Variants in SH3D19 observed in about 807,000 individuals in gnomAD.
SH3D19 encodes SH3 domain containing 19.
A neutral mutation model predicts 112.1 loss-of-function variants in SH3D19; 58 were observed. The observed-to-expected ratio is 0.52, with a 90% CI of 0.42 to 0.64. The LOEUF (loss-of-function observed/expected upper bound fraction) is 0.64. SH3D19 is among the 30% of genes least tolerant of loss of function. The pLI is 0.00. For synonymous variants in SH3D19, 391 were observed against 448.5 expected (o/e 0.87, Z 1.62); for missense variants, 1,090 against 1,263.4 (o/e 0.86, Z 2.08).
chr4:151,318,532 C>T (rs991257376), intron 1 of SH3D19, among the ~76,000 whole-genome samples: 10 of 151,910 alleles, frequency 6.6e-5, no homozygotes, highest in Non-Finnish European at 1.5e-5. Context: ...CTTCTTTTTC[C>T]TCTGACAACA....
chr4:151,253,740 C>CAA (rs10593842), intron 1 of SH3D19, among the ~76,000 whole-genome samples: 1 of 140,046 alleles, frequency 7.1e-6, no homozygotes, highest in Admixed American at 7.1e-5. Context: ...GACTCCGTCT[C>CAA]AAAAAAAAAA....
chr4:151,213,705 A>T (rs1016816126), intron 2 of SH3D19, among the ~76,000 whole-genome samples: 13 of 87,804 alleles, frequency 1.5e-4, no homozygotes, highest in Admixed American at 1.4e-3. Flanking sequence ...TATTTATTTG[A>T]CAGGGTCTTG....
intron 18 of SH3D19, 45 bp downstream of exon 18, chr4:151,128,121 TTTCA>T: frequency 6.7e-7 from 1 of 1,484,126 alleles, no homozygotes; most frequent in Admixed American, 2.2e-5. Context: ...GTTTTGAAGG[TTTCA>T]GGCTCCCCGT....
chr4:151,236,064 C>T (rs368527322), intron 1 of SH3D19, among the ~76,000 whole-genome samples: 13 of 152,352 alleles, frequency 8.5e-5, no homozygotes, highest in African/African-American at 3.1e-4. Flanking sequence ...CCCTCCAATC[C>T]AATCAGGTTG....
rs1561230457 is a variant in SH3D19, at chr4:151,148,154, T to G, written c.1850A>C (p.Gln617Pro). 6.2e-7 allele frequency: 1 copy of G among 1,609,250 alleles called. No homozygotes were observed. Among genetic ancestry groups the G allele is most frequent in the African/African-American group, 1.3e-5 (1 of 74,474 alleles). The change falls in exon 11 of 20, where the codon CAG becomes CCG. Residue 617 changes from glutamine to proline, a missense_variant. Gln to Pro is a moderately conservative substitution (Grantham distance 76, BLOSUM62 -1). Coordinates refer to ENST00000604030, the MANE Select transcript of SH3D19 (RefSeq NM_001378122.1). ...PVNGKTIPTQ[Q>P]PPTKVPPERP... ...CTCAGGGGGCACCTTGGTTGGAGGCTGTTGAGTTGGAATGGTTTTTCCATT... is the reference window on the plus strand; with the variant it reads ...CTCAGGGGGCACCTTGGTTGGAGGCGGTTGAGTTGGAATGGTTTTTCCATT...
intron 4 of SH3D19, among the ~76,000 whole-genome samples, chr4:151,177,506 A>C (rs1323689014): frequency 6.6e-6 from 1 of 151,990 alleles, no homozygotes; most frequent in Non-Finnish European, 1.5e-5. Flanking sequence ...GTGCCACCAT[A>C]CCCAGCTAAT....
chr4:151,249,345 A>T (rs143176620), intron 1 of SH3D19, among the ~76,000 whole-genome samples: 1,627 of 152,328 alleles, frequency 0.011, 30 homozygotes, highest in African/African-American at 0.037. Context: ...AGTATTAGAA[A>T]GTTATCAAGT....
chr4:151,318,986 C>T (rs1386103681), intron 1 of SH3D19, among the ~76,000 whole-genome samples: 2 of 152,174 alleles, frequency 1.3e-5, no homozygotes, highest in Non-Finnish European at 2.9e-5. Flanking sequence ...TTATATATCT[C>T]TTTGTATTGC....
chr4:151,309,782 A>G (rs911417837), intron 1 of SH3D19, among the ~76,000 whole-genome samples: 1 of 148,428 alleles, frequency 6.7e-6, no homozygotes, highest in Non-Finnish European at 1.5e-5. Flanking sequence ...TTGAGTCCAG[A>G]AGTTCTAGGC....
At chr4:151,241,216 C>T (rs28836884) in intron 1 of SH3D19, among the ~76,000 whole-genome samples, 2,975 of 151,956 alleles carry the variant, frequency 0.02, 145 homozygotes, top group African/African-American at 0.068. Flanking sequence ...TCCTTGAGCC[C>T]AGGAATTCAA....
chr4:151,206,458 T>C (rs1369845188), intron 2 of SH3D19, among the ~76,000 whole-genome samples: 4 of 152,198 alleles, frequency 2.6e-5, no homozygotes, highest in African/African-American at 9.6e-5. Flanking sequence ...ACATATTATA[T>C]GGCATGGCTT....
chr4:151,313,935 A>C (rs1271014905), intron 1 of SH3D19, among the ~76,000 whole-genome samples: 1 of 152,254 alleles, frequency 6.6e-6, no homozygotes, highest in Non-Finnish European at 1.5e-5. Context: ...ATTTGGAAAT[A>C]GTGACATTTA....
chr4:151,234,375 T>C (rs1479682629), intron 1 of SH3D19, among the ~76,000 whole-genome samples: 1 of 152,198 alleles, frequency 6.6e-6, no homozygotes, highest in Non-Finnish European at 1.5e-5. Context: ...ACCATCTGTA[T>C]TGCCCCTTTT....
chr4:151,271,901 G>A (rs570012165), intron 1 of SH3D19, among the ~76,000 whole-genome samples: 1 of 152,224 alleles, frequency 6.6e-6, no homozygotes, highest in South Asian at 2.1e-4. Context: ...TATTGTGTAT[G>A]GCAGAGGTAT....
intron 2 of SH3D19, among the ~76,000 whole-genome samples, chr4:151,198,229 C>T (rs538169525): frequency 3.3e-5 from 5 of 149,610 alleles, no homozygotes; most frequent in South Asian, 4.2e-4. Context: ...CACTTGAACC[C>T]GAGAGGTGGA....
At chr4:151,153,525 G>C (rs1325934832) in intron 9 of SH3D19, among the ~76,000 whole-genome samples, 1 of 152,148 alleles carries the variant, frequency 6.6e-6, no homozygotes, top group Non-Finnish European at 1.5e-5. Context: ...GTGAATACAG[G>C]CATGAGCCAC....
Position 151,175,533 on chromosome 4 carries a change from G to A in SH3D19, c.671C>T (p.Pro224Leu), listed in dbSNP as rs1454390358. ...CPENPSATRC[P>L]VPKPRSKSNL... is the part of the protein sequence containing the mutation. The stretch of plus-strand genomic sequence containing the variant: ...GCTTTTTGATCTTGGTTTTGGCACT[G>A]GACATCTTGTAGCACTGGGGTTTTC... Residue 224 changes from proline (P) to leucine (L), a missense_variant, in exon 7 of 20, where the codon CCA becomes CTA. By Grantham distance (98) the Pro-to-Leu change is moderately conservative (BLOSUM62 -3). Coordinates refer to ENST00000604030, the MANE Select transcript of SH3D19 (RefSeq NM_001378122.1). 7.1e-7 allele frequency: 1 copy of A among 1,400,882 alleles called. No homozygotes were observed. The highest frequency in any genetic ancestry group is 3.3e-5 in the Admixed American group (1 of 30,534). The allele number at this position is 1,400,882 out of a possible 1,614,324, so 86.8% of individuals were successfully genotyped here. A position where few individuals can be genotyped will look rare whatever the true frequency, so the allele number is the denominator to read the frequency against.
chr4:151,264,541 C>A (rs1023115310), intron 1 of SH3D19, among the ~76,000 whole-genome samples: 1 of 151,592 alleles, frequency 6.6e-6, no homozygotes. Flanking sequence ...AGCTGAAGAT[C>A]ATTGGAGGCC....
At chr4:151,123,154 T>C (rs920946025) in intron 19 of SH3D19, among the ~76,000 whole-genome samples, 7 of 152,180 alleles carry the variant, frequency 4.6e-5, no homozygotes, top group South Asian at 2.1e-4. Context: ...CTGGCTGAGA[T>C]ATATTTTTAT....
Sources: allele counts gnomAD v4.1 joint callset (sites outside exome capture counted in the v4.1 genomes callset), GRCh38; gene constraint gnomAD v4.1.1; transcripts MANE v1.5; gene names NCBI Gene and HGNC (gene_info 2026-07-23, HGNC 2026-07-21).